Variants in AFF3 observed in about 807,000 individuals in gnomAD.
AFF3 encodes the protein ALF transcription elongation factor 3, also known as AF4/FMR2 family member 3.
A neutral mutation model predicts 129.7 loss-of-function variants in AFF3; 32 were observed. That is an observed-to-expected ratio of 0.25 (90% CI 0.19 to 0.33). The LOEUF is 0.33. Ranked by LOEUF, AFF3 falls within the 10% of genes least tolerant of loss-of-function variation. The probability of loss-of-function intolerance (pLI) is 1.00; values close to 1 mark genes in which losing one functional copy is unlikely to be tolerated. For missense variants in AFF3, 1,373 were observed against 1,592.0 expected (o/e 0.86, Z 2.34); for synonymous variants, 644 against 635.4 (o/e 1.01, Z -0.20).
chr2:99,759,113 G>A (rs539660002), intron 8 of AFF3, among the ~76,000 whole-genome samples: 1 of 152,256 alleles, frequency 6.6e-6, no homozygotes, highest in African/African-American at 2.4e-5. Context: ...GGCTTTTGCA[G>A]ATTTCCCTTC....
At chr2:99,873,046 A>G (rs1163535863) in intron 7 of AFF3, among the ~76,000 whole-genome samples, 1 of 152,230 alleles carries the variant, frequency 6.6e-6, no homozygotes, top group Non-Finnish European at 1.5e-5. Flanking sequence ...TCTCTTACCC[A>G]TTCTTTAAAG....
intron 7 of AFF3, among the ~76,000 whole-genome samples, chr2:99,890,103 A>G (rs994539588): frequency 1.3e-5 from 2 of 152,180 alleles, no homozygotes; most frequent in African/African-American, 4.8e-5. Context: ...TTCTCCCCCG[A>G]GTGCCCCAGA....
intron 8 of AFF3, among the ~76,000 whole-genome samples, chr2:99,754,759 G>A (rs1320748659): frequency 6.6e-6 from 1 of 152,120 alleles, no homozygotes; most frequent in African/African-American, 2.4e-5. Context: ...GATTCTTAAG[G>A]GTGGAAACTG....
At chr2:99,652,509 C>A (rs996361621) in intron 12 of AFF3, among the ~76,000 whole-genome samples, 1 of 152,084 alleles carries the variant, frequency 6.6e-6, no homozygotes, top group Admixed American at 6.6e-5. Flanking sequence ...GAAAGAAGGG[C>A]TGTAGGGAAC....
chr2:100,108,654 G>A (rs1214438525), intron 2 of AFF3, among the ~76,000 whole-genome samples: 1 of 152,114 alleles, frequency 6.6e-6, no homozygotes, highest in Non-Finnish European at 1.5e-5. Flanking sequence ...AAGGAGGGAG[G>A]GTAGAAAGGG....
rs867975664 is a variant in AFF3, at chr2:99,594,705, T to C, written c.1372-416A>G. Reference sequence around the variant, plus strand: ...AAATCACTTGTTTTTTTGGTGAGACTTAAAACTTTGGGGAGATCTGAAGGG... The same window carrying C: ...AAATCACTTGTTTTTTTGGTGAGACCTAAAACTTTGGGGAGATCTGAAGGG... On this transcript the variant is annotated intron_variant, in intron 14 of 24. Transcript: ENST00000672756. 2.9e-4 allele frequency among the ~76,000 whole-genome samples: 44 copies of C among 152,284 alleles called. No individual in the cohort carries two copies. In the Middle Eastern group the frequency reaches 0.01, roughly 35 times the overall value.
chr2:99,970,536 G>T lies in AFF3; in HGVS notation c.873+36096C>A, dbSNP rs550035973. 2.0e-5 allele frequency among the ~76,000 whole-genome samples: 3 copies of T among 152,080 alleles called. No homozygotes were observed. In the South Asian group the frequency reaches 6.2e-4, roughly 32 times the overall value. On this transcript the variant is annotated intron_variant, in intron 7 of 24. Coordinates refer to ENST00000672756, the MANE Select transcript of AFF3 (RefSeq NM_001386135.1). ...AATTCTTTATTAAACTATTTTTATTGCTTGCATAAAAGTCAACGACAAGCT... is the reference window on the plus strand; with the variant it reads ...AATTCTTTATTAAACTATTTTTATTTCTTGCATAAAAGTCAACGACAAGCT...
chr2:99,777,269 G>A (rs534979544), intron 8 of AFF3, among the ~76,000 whole-genome samples: 63 of 152,226 alleles, frequency 4.1e-4, no homozygotes, highest in Non-Finnish European at 7.4e-4. Flanking sequence ...CTGGGAGAGT[G>A]CCACTAGGAG....
intron 4 of AFF3, among the ~76,000 whole-genome samples, chr2:100,048,631 G>A (rs1686032279): frequency 2.0e-5 from 3 of 152,156 alleles, no homozygotes; most frequent in Non-Finnish European, 2.9e-5. Context: ...TCTACAGAGA[G>A]ATATCCACAT....
intron 4 of AFF3, among the ~76,000 whole-genome samples, chr2:100,099,444 C>A (rs904964293): frequency 5.3e-5 from 8 of 152,136 alleles, no homozygotes; most frequent in Admixed American, 1.3e-4. Flanking sequence ...ACTGCTAGTG[C>A]CTCTGCATCC....
intron 18 of AFF3, among the ~76,000 whole-genome samples, chr2:99,569,223 G>A (rs1342124043): frequency 6.6e-6 from 1 of 152,036 alleles, no homozygotes; most frequent in African/African-American, 2.4e-5. Context: ...AAAAAAGCGA[G>A]AAATCTTATT....
intron 8 of AFF3, among the ~76,000 whole-genome samples, chr2:99,836,659 AAAGT>A (rs1223978157): frequency 6.6e-6 from 1 of 152,186 alleles, no homozygotes; most frequent in Non-Finnish European, 1.5e-5. Context: ...CAATTAAAAA[AAAGT>A]GTGTAGGATA....
At chr2:99,682,962 T>TAAGAGCATGAG (rs2104569681) in intron 11 of AFF3, among the ~76,000 whole-genome samples, 1 of 152,336 alleles carries the variant, frequency 6.6e-6, no homozygotes, top group East Asian at 1.9e-4. Context: ...TTTCTGTTAT[T>TAAGAGCATGAG]CTTGCATTTA....
At position 99,787,063 on chromosome 2, in the gene AFF3, G is replaced by A. The variant is rs538708928; in HGVS notation, c.922-34762C>T. 2.6e-5 allele frequency among the ~76,000 whole-genome samples: 4 copies of A among 152,214 alleles called. No homozygotes were observed. The South Asian group carries it at 8.3e-4, about 32-fold the overall frequency. ...TTAATAGTATTAAATGGGCAAAAAT[G>A]CCCTTGGCCTTTACATGCTCATTTA... On this transcript the variant is annotated intron_variant, in intron 8 of 24. Coordinates refer to ENST00000672756, the MANE Select transcript of AFF3 (RefSeq NM_001386135.1).
At chr2:99,608,480 G>A (rs886645314) in intron 13 of AFF3, among the ~76,000 whole-genome samples, 6 of 152,130 alleles carry the variant, frequency 3.9e-5, no homozygotes, top group African/African-American at 1.4e-4. Context: ...CTTAAAACTG[G>A]TAACTTTAGA....
chr2:99,628,664 C>T (rs376511621), intron 13 of AFF3, among the ~76,000 whole-genome samples: 1 of 150,946 alleles, frequency 6.6e-6, no homozygotes, highest in South Asian at 2.1e-4. Flanking sequence ...TCCAGAGATT[C>T]TCCTGCCTCA....
At chr2:99,945,114 A>T (rs147914350) in intron 7 of AFF3, among the ~76,000 whole-genome samples, 1 of 152,324 alleles carries the variant, frequency 6.6e-6, no homozygotes, top group East Asian at 1.9e-4. Flanking sequence ...GAGGTAACTC[A>T]TGCAGGATGA....
At chr2:99,737,695 T>C (rs1230169244) in intron 10 of AFF3, among the ~76,000 whole-genome samples, 1 of 151,948 alleles carries the variant, frequency 6.6e-6, no homozygotes, top group Non-Finnish European at 1.5e-5. Flanking sequence ...TGTGGATTAA[T>C]GTCTTTCAAG....
At chr2:99,915,550 G>A (rs753739421) in intron 7 of AFF3, among the ~76,000 whole-genome samples, 3 of 152,138 alleles carry the variant, frequency 2.0e-5, no homozygotes, top group African/African-American at 4.8e-5. Context: ...GCTATCCGAC[G>A]CAGGCACAAT....
Sources: allele counts gnomAD v4.1 joint callset (sites outside exome capture counted in the v4.1 genomes callset), GRCh38; gene constraint gnomAD v4.1.1; transcripts MANE v1.5; gene names NCBI Gene and HGNC (gene_info 2026-07-23, HGNC 2026-07-21).